ANKMY1: variants seen among roughly 807,000 people sequenced by gnomAD.
The protein encoded by ANKMY1 is ankyrin repeat and MYND domain containing 1, also known as ankyrin repeat and MYND domain-containing protein 1.
A neutral mutation model predicts 102.0 loss-of-function variants in ANKMY1; 98 were observed. That is an observed-to-expected ratio of 0.96 (90% CI 0.82 to 1.14). The LOEUF (loss-of-function observed/expected upper bound fraction) is 1.14. Among genes scored for constraint, ANKMY1 ranks in the 50% most tolerant of loss-of-function variants. The pLI, the probability that ANKMY1 is intolerant of heterozygous loss-of-function variation, is 0.00. For missense variants in ANKMY1, 1,330 were observed against 1,347.6 expected (o/e 0.99, Z 0.20); for synonymous variants, 582 against 559.9 (o/e 1.04, Z -0.56).
chr2:240,528,910 G>T, intron 5 of ANKMY1, 127 bp downstream of exon 5: 1 of 831,258 alleles, frequency 1.2e-6, no homozygotes. Context: ...CACTTAATGG[G>T]AGGAGTGTGT....
At position 240,499,965 on chromosome 2, in the gene ANKMY1, G is replaced by A. The variant is rs957111881; in HGVS notation, c.2799C>T (p.Cys933=). ...SQWDPTWLYL[C]KRAELIPSHR... is the part of the protein sequence containing the mutation. Reference sequence around the variant, plus strand: ...GCAGGGCCCACTGCTCACCTCTCTTGCACAGGTACAGCCACGTGGGGTCCC... The same window carrying A: ...GCAGGGCCCACTGCTCACCTCTCTTACACAGGTACAGCCACGTGGGGTCCC... The change falls in exon 15 of 18, where the codon TGC becomes TGT. Residue 933 remains cysteine, a synonymous_variant. Transcript: ENST00000401804. The surrounding 1 kb of genome is among the most constrained non-coding windows in gnomAD (Gnocchi z 4.2). 1 of 1,612,230 alleles carries A rather than the reference G, an allele frequency of 6.2e-7. No individual in the cohort carries two copies. The highest frequency in any genetic ancestry group is 1.1e-5 in the South Asian group (1 of 90,928).
At chr2:240,559,454 C>T (rs2092749681), upstream of ANKMY1, among the ~76,000 whole-genome samples, 1 of 152,234 alleles carries the variant, frequency 6.6e-6, no homozygotes, top group Non-Finnish European at 1.5e-5. Flanking sequence ...CTCTCTCCTT[C>T]ATGGGTTATT....
At chr2:240,543,626 G>C (rs1287432002) in intron 4 of ANKMY1, among the ~76,000 whole-genome samples, 4 of 151,960 alleles carry the variant, frequency 2.6e-5, no homozygotes, top group African/African-American at 7.2e-5. Flanking sequence ...TAACTTTAAG[G>C]TTCTTATTTA....
At chr2:240,553,237 ACCAG>A in intron 3 of ANKMY1, 180 bp from the exon 4 acceptor site, 1 of 690,576 alleles carries the variant, frequency 1.4e-6, no homozygotes. Context: ...CAGAGGGGTT[ACCAG>A]GCAGTCAGCC....
rs969325454 is a variant in ANKMY1, at chr2:240,499,351, T to A, written c.2806+607A>T. On this transcript the variant is annotated intron_variant, in intron 15 of 17. Transcript: ENST00000401804. The surrounding 1 kb of genome is among the most constrained non-coding windows in gnomAD (Gnocchi z 4.2). ...GGGAACATGAGGGGGTATGTGGGGG[T>A]GGGGGTGAGTAGGTGGGTGGGGATG... 2.0e-5 allele frequency among the ~76,000 whole-genome samples: 1 copy of A among 51,006 alleles called. No homozygotes were observed. 33.5% of individuals were successfully genotyped at this position (51,006 alleles called of 152,430 possible).
At chr2:240,552,649 T>C (rs1391071874) in intron 4 of ANKMY1, 6 of 476,226 alleles carry the variant, frequency 1.3e-5, no homozygotes, top group Middle Eastern at 6.1e-4. Flanking sequence ...TGATCCAGTT[T>C]ACATATTTAA....
At chr2:240,544,397 A>G (rs2089793710) in intron 4 of ANKMY1, among the ~76,000 whole-genome samples, 4 of 152,238 alleles carry the variant, frequency 2.6e-5, no homozygotes, top group Admixed American at 6.5e-5. Context: ...TAGAAAGTTG[A>G]AAAAGTTTAG....
chr2:240,511,239 C>T (rs1435873710), intron 11 of ANKMY1, among the ~76,000 whole-genome samples: 3 of 152,220 alleles, frequency 2.0e-5, no homozygotes, highest in Non-Finnish European at 4.4e-5. Flanking sequence ...AAGTTACCAC[C>T]TTGCTGAAGG....
At chr2:240,554,830 TA>T in intron 3 of ANKMY1, 35 bp downstream of exon 3, 1 of 1,610,768 alleles carries the variant, frequency 6.2e-7, no homozygotes, top group Non-Finnish European at 8.5e-7. Context: ...CCAGAGGCCC[TA>T]GGGGAGGAGG....
upstream of ANKMY1, chr2:240,561,010 G>A (rs566287242): frequency 7.8e-6 from 12 of 1,535,202 alleles, 1 homozygote; most frequent in South Asian, 9.5e-5. Flanking sequence ...GGCCGCAGCC[G>A]CTCGGCCGCC....
chr2:240,529,657 G>C lies in ANKMY1; in HGVS notation c.481-148C>G. On this transcript the variant is annotated intron_variant, in intron 4 of 17. Transcript: ENST00000401804. This position sits in a 1 kb window ranked among gnomAD's most constrained non-coding sequence, Gnocchi z 4.2. ...CCAGTAAACATCTCTGGAGGCTTAG[G>C]CTGTGCCGCCCAGGGACCGAGGCGG... 1 of 829,702 alleles carries C rather than the reference G, an allele frequency of 1.2e-6. No homozygotes were observed. Among genetic ancestry groups the C allele is most frequent in the Non-Finnish European group, 1.8e-6 (1 of 547,458 alleles). The allele number at this position is 829,702 out of a possible 1,614,324, so 51.4% of individuals were successfully genotyped here. A position where few individuals can be genotyped will look rare whatever the true frequency, so the allele number is the denominator to read the frequency against.
chr2:240,520,550 G>A lies in ANKMY1; in HGVS notation c.1833-17C>T, dbSNP rs1194128273. 6.2e-7 allele frequency: 1 copy of A among 1,603,136 alleles called. No homozygotes were observed. Among genetic ancestry groups the A allele is most frequent in the Non-Finnish European group, 8.5e-7 (1 of 1,174,368 alleles). ...TTCCTCCGCCTGAAAAAGACGGTGCGCCCGTGGGCCCCTGGAGGGCAGGCA... is the reference window on the plus strand; with the variant it reads ...TTCCTCCGCCTGAAAAAGACGGTGCACCCGTGGGCCCCTGGAGGGCAGGCA... On this transcript the variant is annotated splice_polypyrimidine_tract_variant and intron_variant, in intron 8 of 17. Transcript: ENST00000401804. This position sits in a 1 kb window ranked among gnomAD's most constrained non-coding sequence, Gnocchi z 4.8.
downstream of ANKMY1, among the ~76,000 whole-genome samples, chr2:240,478,786 A>C (rs2075034318): frequency 6.6e-6 from 1 of 151,036 alleles, no homozygotes; most frequent in African/African-American, 2.4e-5. Flanking sequence ...GCCAGCCTGG[A>C]GCGGGGTCTC....
At chr2:240,476,398 G>A (rs1236463149), downstream of ANKMY1, among the ~76,000 whole-genome samples, 2 of 152,204 alleles carry the variant, frequency 1.3e-5, no homozygotes, top group African/African-American at 4.8e-5. Context: ...CTGCTCAAAA[G>A]ATGCCAACTG....
At chr2:240,489,974 C>A (rs1361848288) in intron 15 of ANKMY1, among the ~76,000 whole-genome samples, 1 of 152,112 alleles carries the variant, frequency 6.6e-6, no homozygotes, top group Admixed American at 6.5e-5. Flanking sequence ...TCTAGTTATT[C>A]CCCATTCAAT....
intron 17 of ANKMY1, 54 bp from the exon 18 acceptor site, chr2:240,479,709 C>T: frequency 1.3e-6 from 2 of 1,547,446 alleles, no homozygotes; most frequent in Non-Finnish European, 1.8e-6. Flanking sequence ...AGCTGGCCTC[C>T]CCCGAGGCCT....
Position 240,494,365 on chromosome 2 carries a change from G to T in ANKMY1, c.2806+5593C>A, listed in dbSNP as rs193244052. Among the ~76,000 whole-genome samples the T allele has an allele frequency of 4.3e-3, 650 of 152,272 alleles. 5 individuals carry two copies. Among genetic ancestry groups the T allele is most frequent in the African/African-American group, 0.015 (625 of 41,554 alleles). On this transcript the variant is annotated intron_variant, in intron 15 of 17. Transcript: ENST00000401804. ...CACCCCTGCCACCCTGACTGCATCA[G>T]CCCATGCCCAGCTCACAACCAAGTC...
At chr2:240,471,260 CTTT>C in the ANKMY1 span, among the ~76,000 whole-genome samples, 6 of 136,124 alleles carry the variant, frequency 4.4e-5, no homozygotes, top group Admixed American at 7.4e-5. Flanking sequence ...AACTCAAATT[CTTT>C]TTTTTTTTTT....
intron 15 of ANKMY1, among the ~76,000 whole-genome samples, chr2:240,493,295 C>T (rs1192095529): frequency 6.6e-6 from 1 of 152,092 alleles, no homozygotes; most frequent in Non-Finnish European, 1.5e-5. Context: ...CCACTGTACT[C>T]CAGCCTGGGT....
Sources: gnomAD v4.1 joint callset for allele counts (sites outside exome capture counted in the v4.1 genomes callset) on GRCh38, gnomAD v4.1.1 for gene constraint, Gnocchi (gnomAD v3.1) non-coding constraint, MANE v1.5 for transcripts, NCBI Gene and HGNC (gene_info 2026-07-23, HGNC 2026-07-21) for gene names.